Variants in PARP4 observed in about 807,000 individuals in gnomAD.
PARP4 encodes the protein poly(ADP-ribose) polymerase family member 4.
PARP4 carries 120 observed loss-of-function variants against 187.7 expected under a neutral mutation model. The observed-to-expected ratio is 0.64, with a 90% CI of 0.55 to 0.74. PARP4 has a LOEUF of 0.74. PARP4 is among the 30% of genes least tolerant of loss of function. PARP4 has a pLI of 0.00. For missense variants in PARP4, 1,836 were observed against 2,070.5 expected (o/e 0.89, Z 2.20); for synonymous variants, 654 against 740.9 (o/e 0.88, Z 1.90).
intron 32 of PARP4, among the ~76,000 whole-genome samples, chr13:24,428,692 C>T (rs1204176370): frequency 6.6e-6 from 1 of 152,078 alleles, no homozygotes; most frequent in African/African-American, 2.4e-5. Flanking sequence ...AGGCTGGTCT[C>T]GAAATCCTGA....
chr13:24,473,864 C>T lies in PARP4; in HGVS notation c.1914+1608G>A, dbSNP rs543095064. ...AGCTGTCCTCGTGTGTCTCCACAGC[C>T]GCTCCCTCCTGGTCTCTGTGGCTGA... On this transcript the variant is annotated intron_variant, in intron 15 of 33. Coordinates refer to ENST00000381989, the MANE Select transcript of PARP4 (RefSeq NM_006437.4). Among the ~76,000 whole-genome samples the T allele has an allele frequency of 1.2e-4, 19 of 152,234 alleles. No homozygotes were observed. In the East Asian group the frequency reaches 2.5e-3, roughly 20 times the overall value.
At chr13:24,475,377 T>C (rs1335802074) in intron 15 of PARP4, 95 bp downstream of exon 15, 24 of 1,155,806 alleles carry the variant, frequency 2.1e-5, no homozygotes, top group Middle Eastern at 2.1e-4. Flanking sequence ...TTTAGAAATC[T>C]ATCTATTCCC....
intron 5 of PARP4, 40 bp downstream of exon 5, chr13:24,499,261 G>GTTTTTT: frequency 2.3e-6 from 3 of 1,329,760 alleles, no homozygotes; most frequent in South Asian, 1.7e-5. Context: ...AAACAGGTGT[G>GTTTTTT]TTTTTTTTTT....
chr13:24,421,349 A>G (rs1170475055), intron 33 of PARP4, 35 bp from the exon 34 acceptor site: 12 of 907,284 alleles, frequency 1.3e-5, no homozygotes, highest in African/African-American at 1.7e-5. Flanking sequence ...ATTTCAGAAT[A>G]TAACATGTGA....
intron 17 of PARP4, 105 bp downstream of exon 17, chr13:24,468,919 A>G: frequency 2.3e-6 from 2 of 870,112 alleles, no homozygotes; most frequent in South Asian, 2.8e-5. Context: ...GGGGCCTACA[A>G]CAGTGCAAAT....
chr13:24,435,248 G>A lies in PARP4; in HGVS notation c.3893C>T (p.Thr1298Ile), dbSNP rs1376644610. The change falls in exon 31 of 34, where the codon ACT (threonine) becomes ATT (isoleucine). Residue 1298 changes from threonine (T) to isoleucine (I), a missense_variant. Physicochemically the swap from Thr to Ile is moderately conservative, Grantham distance 89. This residue lies in a region of PARP4 where 450 missense variants were observed against 439.2 expected (regional missense o/e 1.02). Coordinates refer to ENST00000381989, the MANE Select transcript of PARP4 (RefSeq NM_006437.4). The part of the protein sequence containing the change: ...SWTESCKPTA[T>I]EPLFKKVSPW... ...ACTGACTTTCTTAAATAGTGGTTCAGTTGCTGTTGGTTTACATGACTCTGT... is the reference window on the plus strand; with the variant it reads ...ACTGACTTTCTTAAATAGTGGTTCAATTGCTGTTGGTTTACATGACTCTGT... 1 of 1,613,804 alleles carries A rather than the reference G, an allele frequency of 6.2e-7. No individual in the cohort carries two copies. Among genetic ancestry groups the A allele is most frequent in the Non-Finnish European group, 8.5e-7 (1 of 1,180,012 alleles).
intron 1 of PARP4, among the ~76,000 whole-genome samples, chr13:24,505,054 A>C (rs560856494): frequency 5.0e-5 from 7 of 140,136 alleles, no homozygotes; most frequent in African/African-American, 1.9e-4. Flanking sequence ...CCCAGGCTGG[A>C]GTGCAGTAGC....
At chr13:24,467,959 C>T (rs1296688752) in intron 17 of PARP4, among the ~76,000 whole-genome samples, 1 of 152,068 alleles carries the variant, frequency 6.6e-6, no homozygotes, top group Non-Finnish European at 1.5e-5. Context: ...TTATTCCCAT[C>T]CTGCAGGTGG....
chr13:24,456,466 T>C lies in PARP4; in HGVS notation c.2437A>G (p.Lys813Glu), dbSNP rs775040005. Reference protein sequence around the residue: ...HELKQKRTDCKAVISTMEGSS... With the variant: ...HELKQKRTDCEAVISTMEGSS... ...CCTTCCATGGTGCTAATGACAGCTT[T>C]GCAGTCTGTGCGCTGCAAAACAAAC... The change falls in exon 21 of 34, where the codon AAA (lysine) becomes GAA (glutamate). Residue 813 changes from lysine to glutamate, a missense_variant. Transcript: ENST00000381989. 12 of 1,599,736 alleles carry C rather than the reference T, an allele frequency of 7.5e-6. No homozygotes were observed.
At chr13:24,482,572 A>G (rs1327035623) in intron 12 of PARP4, among the ~76,000 whole-genome samples, 3 of 152,246 alleles carry the variant, frequency 2.0e-5, no homozygotes, top group Middle Eastern at 3.2e-3. Context: ...TTCCACCGGC[A>G]AAAAGACAAT....
intron 17 of PARP4, among the ~76,000 whole-genome samples, chr13:24,465,284 C>G (rs1872400888): frequency 6.6e-6 from 1 of 152,186 alleles, no homozygotes; most frequent in South Asian, 2.1e-4. Context: ...AATCCCATTA[C>G]TGGGTATATA....
intron 20 of PARP4, 48 bp from the exon 21 acceptor site, chr13:24,456,526 A>C: frequency 6.4e-7 from 1 of 1,552,454 alleles, no homozygotes; most frequent in Non-Finnish European, 8.8e-7. Flanking sequence ...GAGTAACACC[A>C]TATTAGCAGT....
intron 24 of PARP4, chr13:24,451,852 G>A (rs76628722): frequency 0.036 from 5,494 of 152,808 alleles, 143 homozygotes; most frequent in African/African-American, 0.072. Flanking sequence ...AGGGGTGTTA[G>A]CCTCTCATGG....
At chr13:24,489,115 G>A (rs1416250545) in intron 10 of PARP4, among the ~76,000 whole-genome samples, 2 of 152,124 alleles carry the variant, frequency 1.3e-5, no homozygotes, top group African/African-American at 4.8e-5. Flanking sequence ...GAATATTCAT[G>A]TACAAGTACC....
rs753587247 is a variant in PARP4 at position 24,446,716 on chromosome 13, C to A, written c.3331G>T (p.Val1111Leu). 3.7e-6 allele frequency: 6 copies of A among 1,602,914 alleles called. No homozygotes were observed. In the East Asian group the frequency reaches 1.1e-4, roughly 30 times the overall value. Residue 1111 changes from valine (V) to leucine (L), a missense_variant, in exon 27 of 34, where the codon GTG (valine) becomes TTG (leucine). Physicochemically the swap from Val to Leu is conservative, Grantham distance 32 (BLOSUM62 1). Transcript: ENST00000381989. ...GTCTTCTGAAGCTCAGTAGTCGACA[C>A]CATTGTACGAAATTCTTTCTCTTGA... Reference protein sequence around the residue: ...LIQEKEFRTMVSTTELQKTTG... With the variant: ...LIQEKEFRTMLSTTELQKTTG...
chr13:24,469,017 G>A lies in PARP4; in HGVS notation c.2133+7C>T. 6.2e-7 allele frequency: 1 copy of A among 1,602,272 alleles called. No homozygotes were observed. Among genetic ancestry groups the A allele is most frequent in the Non-Finnish European group, 8.6e-7 (1 of 1,169,322 alleles). On this transcript the variant is annotated splice_region_variant and intron_variant, in intron 17 of 33. Transcript: ENST00000381989. ...TGTATGCATGCGGCATGCACACCAAGCCATACCGGAGCATCCTGACTCATC... is the reference window on the plus strand; with the variant it reads ...TGTATGCATGCGGCATGCACACCAAACCATACCGGAGCATCCTGACTCATC...
rs148094597 is a variant in PARP4 at position 24,481,273 on chromosome 13, C to T, written c.1449-2997G>A. Among the ~76,000 whole-genome samples the T allele has an allele frequency of 8.4e-4, 128 of 152,384 alleles. 1 individual carries two copies. Among genetic ancestry groups the T allele is most frequent in the Admixed American group, 1.7e-3 (26 of 15,314 alleles). On this transcript the variant is annotated intron_variant, in intron 12 of 33. Transcript: ENST00000381989. ...ATATGACTGCTCACTGGCAAAGCGC[C>T]TAGCCATCCAGGAGCTCTGATGGAG...
At chr13:24,455,504 T>TCA (rs1452063006) in intron 21 of PARP4, among the ~76,000 whole-genome samples, 15 of 136,498 alleles carry the variant, frequency 1.1e-4, no homozygotes, top group Middle Eastern at 3.8e-3. Context: ...TATATATATA[T>TCA]ATCACACTAT....
At chr13:24,511,118 C>T (rs971447974) in intron 1 of PARP4, among the ~76,000 whole-genome samples, 9 of 152,144 alleles carry the variant, frequency 5.9e-5, no homozygotes, top group East Asian at 3.9e-4. Flanking sequence ...CATAAATCTG[C>T]GGTCTGTTCT....
Sources: allele counts gnomAD v4.1 joint callset (sites outside exome capture counted in the v4.1 genomes callset), GRCh38; gene constraint gnomAD v4.1.1; regional missense constraint gnomAD v4.1.1; transcripts MANE v1.5; gene names NCBI Gene and HGNC (gene_info 2026-07-23, HGNC 2026-07-21).